Variants in KRTAP10-7 observed in about 807,000 individuals in gnomAD.
The protein encoded by KRTAP10-7 is keratin-associated protein 10-7.
For missense variants in KRTAP10-7, 394 were observed against 474.3 expected (o/e 0.83, Z 1.57); for synonymous variants, 162 against 199.6 (o/e 0.81, Z 1.59).
In KRTAP10-7 at chr21:44,602,082, C is replaced by A. The variant is rs916020917; in HGVS notation, c.*348C>A. On this transcript the variant is annotated 3_prime_UTR_variant, in exon 1 of 1. Transcript: ENST00000609664. ...TCCCAGCTCAGTGGCGAGCCCTGCT[C>A]CTCCCCTGCTGTGGGCCTGGGCCTC... 4.9e-6 allele frequency: 2 copies of A among 408,638 alleles called. No homozygotes were observed. The highest frequency in any genetic ancestry group is 4.0e-5 in the African/African-American group (2 of 49,748). The allele number at this position is 408,638 out of a possible 1,614,324, so 25.3% of individuals were successfully genotyped here.
In KRTAP10-7 at chr21:44,601,316, T is replaced by C. The variant is rs782575027; in HGVS notation, c.695T>C (p.Val232Ala). Residue 232 changes from valine to alanine, a missense_variant, in exon 1 of 1, where the codon GTC (valine) becomes GCC (alanine). Physicochemically the swap from Val to Ala is moderately conservative, Grantham distance 64. Transcript: ENST00000609664. Reference sequence around the variant, plus strand: ...TGCCAGCAGGCCTGCTGTGTGCCTGTCTGCTGCAAGCCCGTCTGCTGTGTG... The same window carrying C: ...TGCCAGCAGGCCTGCTGTGTGCCTGCCTGCTGCAAGCCCGTCTGCTGTGTG... ...SPCQQACCVP[V>A]CCKPVCCVPT... The C allele has an allele frequency of 1.2e-6, 2 of 1,611,482 alleles. No individual in the cohort carries two copies. Among genetic ancestry groups the C allele is most frequent in the Non-Finnish European group, 1.7e-6 (2 of 1,178,818 alleles).
chr21:44,601,438 C>T lies in KRTAP10-7; in HGVS notation c.817C>T (p.Pro273Ser). The T allele has an allele frequency of 6.2e-7, 1 of 1,611,526 alleles. No homozygotes were observed. The highest frequency in any genetic ancestry group is 8.5e-7 in the Non-Finnish European group (1 of 1,178,958). Residue 273 changes from proline (P) to serine (S), a missense_variant, in exon 1 of 1, where the codon CCT (proline) becomes TCT (serine). Physicochemically the swap from Pro to Ser is moderately conservative, Grantham distance 74 (BLOSUM62 -1). Coordinates refer to ENST00000609664, the MANE Select transcript of KRTAP10-7 (RefSeq NM_198689.3). Reference protein sequence around the residue: ...QGCCVPVCCKPVCCVPVCSGA... With the variant: ...QGCCVPVCCKSVCCVPVCSGA... The stretch of plus-strand genomic sequence containing the variant: ...CTGCTGCGTGCCCGTCTGCTGTAAG[C>T]CTGTGTGCTGTGTGCCCGTCTGCTC...
In KRTAP10-7 at chr21:44,601,268, C is replaced by T. The variant is rs587759229; in HGVS notation, c.647C>T (p.Pro216Leu). The T allele has an allele frequency of 9.4e-5, 151 of 1,604,390 alleles. No individual in the cohort carries two copies. Among genetic ancestry groups the T allele is most frequent in the South Asian group, 7.8e-4 (70 of 90,156 alleles). ...PSCCQQSSCK[P>L]ACCTSSPCQQ... The stretch of plus-strand genomic sequence containing the variant: ...TGCTGCCAGCAGTCTAGCTGCAAGC[C>T]GGCTTGCTGCACCTCCTCCCCTTGC... Residue 216 changes from proline to leucine, a missense_variant, in exon 1 of 1, where the codon CCG becomes CTG. Transcript: ENST00000609664.
chr21:44,601,834 T>C lies in KRTAP10-7; in HGVS notation c.*100T>C. On this transcript the variant is annotated 3_prime_UTR_variant, in exon 1 of 1. Coordinates refer to ENST00000609664, the MANE Select transcript of KRTAP10-7 (RefSeq NM_198689.3). ...CTCTCCACATCCCGCTCCTAAGCCCTGCAGTGGACGTCAGTGGTCAGCTGG... is the reference window on the plus strand; with the variant it reads ...CTCTCCACATCCCGCTCCTAAGCCCCGCAGTGGACGTCAGTGGTCAGCTGG... 1 of 1,475,772 alleles carries C rather than the reference T, an allele frequency of 6.8e-7. No individual in the cohort carries two copies. The highest frequency in any genetic ancestry group is 9.1e-7 in the Non-Finnish European group (1 of 1,100,258). 91.4% of individuals were successfully genotyped at this position (1,475,772 alleles called of 1,614,324 possible).
chr21:44,601,669 T>A lies in KRTAP10-7; in HGVS notation c.1048T>A (p.Cys350Ser). ...CRPASCVSLL[C>S]RPACSRPACC... ...CCCAGCCTCCTGTGTGTCTCTCCTT[T>A]GCCGCCCCGCATGCTCCCGCCCGGC... Residue 350 changes from cysteine (C) to serine (S), a missense_variant, in exon 1 of 1, where the codon TGC becomes AGC. Coordinates refer to ENST00000609664, the MANE Select transcript of KRTAP10-7 (RefSeq NM_198689.3). 7.4e-6 allele frequency: 12 copies of A among 1,613,030 alleles called. No individual in the cohort carries two copies. Among genetic ancestry groups the A allele is most frequent in the Non-Finnish European group, 1.0e-5 (12 of 1,179,346 alleles).
rs1354349678 is a variant in KRTAP10-7, at chr21:44,601,356, T to A, written c.735T>A (p.Asp245Glu). The change falls in exon 1 of 1, where the codon GAT (aspartate) becomes GAA (glutamate). Residue 245 changes from aspartate to glutamate, a missense_variant. Coordinates refer to ENST00000609664, the MANE Select transcript of KRTAP10-7 (RefSeq NM_198689.3). Reference sequence around the variant, plus strand: ...TCTGCTGTGTGCCCACCTGCTCTGATGATTCCGGTTCATGCTGCCAGCCAG... The same window carrying A: ...TCTGCTGTGTGCCCACCTGCTCTGAAGATTCCGGTTCATGCTGCCAGCCAG... ...KPVCCVPTCS[D>E]DSGSCCQPAC... is the part of the protein sequence containing the mutation. 5 of 1,610,216 alleles carry A rather than the reference T, an allele frequency of 3.1e-6. No individual in the cohort carries two copies. In the East Asian group the frequency reaches 1.1e-4, roughly 36 times the overall value.
Position 44,601,589 on chromosome 21 carries a change from T to C in KRTAP10-7, c.968T>C (p.Val323Ala), listed in dbSNP as rs1601472353. 1 of 1,612,756 alleles carries C rather than the reference T, an allele frequency of 6.2e-7. No homozygotes were observed. The highest frequency in any genetic ancestry group is 8.5e-7 in the Non-Finnish European group (1 of 1,179,034). The change falls in exon 1 of 1, where the codon GTG (valine) becomes GCG (alanine). Residue 323 changes from valine to alanine, a missense_variant. Val to Ala is a moderately conservative substitution (Grantham distance 64, BLOSUM62 0). Transcript: ENST00000609664. ...CCCGTGTGCAGGCCCGCCTGCTGCGTGCCCGTCCCCTCCTGCTGCGCCCCC... is the reference window on the plus strand; with the variant it reads ...CCCGTGTGCAGGCCCGCCTGCTGCGCGCCCGTCCCCTCCTGCTGCGCCCCC... ...CRPVCRPACC[V>A]PVPSCCAPTS...
rs659638 is a variant in KRTAP10-7, at chr21:44,601,844, G to A, written c.*110G>A. 122,121 of 1,420,738 alleles carry A rather than the reference G, an allele frequency of 0.086. 9,891 individuals carry two copies. Among genetic ancestry groups the A allele is most frequent in the African/African-American group, 0.4 (27,656 of 69,716 alleles). 88.0% of individuals were successfully genotyped at this position (1,420,738 alleles called of 1,614,324 possible). Reference sequence around the variant, plus strand: ...CCCGCTCCTAAGCCCTGCAGTGGACGTCAGTGGTCAGCTGGCCATCCAGTG... The same window carrying A: ...CCCGCTCCTAAGCCCTGCAGTGGACATCAGTGGTCAGCTGGCCATCCAGTG... On this transcript the variant is annotated 3_prime_UTR_variant, in exon 1 of 1. Coordinates refer to ENST00000609664, the MANE Select transcript of KRTAP10-7 (RefSeq NM_198689.3).
At position 44,601,545 on chromosome 21, in the gene KRTAP10-7, C is replaced by T. The variant is rs782705787; in HGVS notation, c.924C>T (p.Ser308=). The T allele has an allele frequency of 2.3e-5, 37 of 1,613,614 alleles. No homozygotes were observed. The highest frequency in any genetic ancestry group is 1.6e-4 in the Middle Eastern group (1 of 6,080). Residue 308 remains serine (S), a synonymous_variant, in exon 1 of 1, where the codon TCC becomes TCT. Coordinates refer to ENST00000609664, the MANE Select transcript of KRTAP10-7 (RefSeq NM_198689.3). ...CCTCCTGCTGCAGACCCTCCTCCTC[C>T]GTGTCCCTCCTCTGCCGCCCCGTGT... ...CTTSCCRPSS[S]VSLLCRPVCR...
At position 44,601,090 on chromosome 21, in the gene KRTAP10-7, G is replaced by A; in HGVS notation, c.469G>A (p.Val157Met). The change falls in exon 1 of 1, where the codon GTG becomes ATG. Residue 157 changes from valine (V) to methionine (M), a missense_variant. Physicochemically the swap from Val to Met is conservative, Grantham distance 21 (BLOSUM62 1). Coordinates refer to ENST00000609664, the MANE Select transcript of KRTAP10-7 (RefSeq NM_198689.3). ...CTCCCCCTGCCAGCAGGCCTGCTGT[G>A]TGCCCATCTGCTGCAAGCCTGTCTG... ...TSSPCQQACC[V>M]PICCKPVCSG... The A allele has an allele frequency of 6.2e-7, 1 of 1,609,622 alleles. No individual in the cohort carries two copies. Among genetic ancestry groups the A allele is most frequent in the East Asian group, 2.3e-5 (1 of 44,196 alleles).
rs782083629 is a variant in KRTAP10-7, at chr21:44,600,883, T to G, written c.262T>G (p.Ser88Ala). The G allele has an allele frequency of 1.2e-5, 20 of 1,611,360 alleles. No individual in the cohort carries two copies. The highest frequency in any genetic ancestry group is 6.7e-5 in the Admixed American group (4 of 59,918). The change falls in exon 1 of 1, where the codon TCG becomes GCG. Residue 88 changes from serine (S) to alanine (A), a missense_variant. Physicochemically the swap from Ser to Ala is moderately conservative, Grantham distance 99. Coordinates refer to ENST00000609664, the MANE Select transcript of KRTAP10-7 (RefSeq NM_198689.3). Reference sequence around the variant, plus strand: ...AGGCTGCACCAGCTCCTGCACGCCCTCGTGCTGCCAGCAGTCTAGCTGCCA... The same window carrying G: ...AGGCTGCACCAGCTCCTGCACGCCCGCGTGCTGCCAGCAGTCTAGCTGCCA... ...QSGCTSSCTP[S>A]CCQQSSCQLA... is the part of the protein sequence containing the mutation.
In KRTAP10-7 at chr21:44,600,871, T is replaced by C; in HGVS notation, c.250T>C (p.Ser84Pro). 6.2e-7 allele frequency: 1 copy of C among 1,610,738 alleles called. No individual in the cohort carries two copies. Among genetic ancestry groups the C allele is most frequent in the East Asian group, 2.2e-5 (1 of 44,776 alleles). ...PSPCQSGCTS[S>P]CTPSCCQQSS... is the part of the protein sequence containing the mutation. ...CCCCTGCCAATCAGGCTGCACCAGC[T>C]CCTGCACGCCCTCGTGCTGCCAGCA... The change falls in exon 1 of 1, where the codon TCC (serine) becomes CCC (proline). Residue 84 changes from serine to proline, a missense_variant. Transcript: ENST00000609664.
In KRTAP10-7 at chr21:44,600,997, G is replaced by A. The variant is rs369839278; in HGVS notation, c.376G>A (p.Val126Met). The A allele has an allele frequency of 1.6e-5, 25 of 1,611,848 alleles. 1 individual carries two copies. The African/African-American group carries it at 2.3e-4, about 15-fold the overall frequency. ...TGTCTGCTGCAAGCCTGTGTACTGT[G>A]TGCCTGTCTGCAGTGGGGATTCTTC... ...KTVCCKPVYC[V>M]PVCSGDSSCC... The change falls in exon 1 of 1, where the codon GTG becomes ATG. Residue 126 changes from valine (V) to methionine (M), a missense_variant. Val to Met is a conservative substitution (Grantham distance 21). Coordinates refer to ENST00000609664, the MANE Select transcript of KRTAP10-7 (RefSeq NM_198689.3).
chr21:44,601,390 AC>A, the KRTAP10-7 span: 1 of 1,605,674 alleles, frequency 6.2e-7, no homozygotes, highest in Non-Finnish European at 8.5e-7. Flanking sequence ...AGCTTGCTGC[AC>A]CTCCTCCCAA....
the KRTAP10-7 span, chr21:44,600,826 C>T: frequency 1.6e-5 from 25 of 1,605,364 alleles, 1 homozygote; most frequent in Middle Eastern, 1.9e-4. Flanking sequence ...CCCCTGCTGC[C>T]GAGTGACCTG....
chr21:44,602,156 A>T lies in KRTAP10-7; in HGVS notation c.*422A>T. On this transcript the variant is annotated 3_prime_UTR_variant, in exon 1 of 1. Coordinates refer to ENST00000609664, the MANE Select transcript of KRTAP10-7 (RefSeq NM_198689.3). The stretch of plus-strand genomic sequence containing the variant: ...GGAGCAGGTCAGACCCTTCTAATAA[A>T]CTCCTTTCCTAAAAAGTACAACTGG... 4.5e-6 allele frequency: 1 copy of T among 220,170 alleles called. No individual in the cohort carries two copies. Among genetic ancestry groups the T allele is most frequent in the Non-Finnish European group, 9.7e-6 (1 of 102,744 alleles). 13.6% of individuals were successfully genotyped at this position (220,170 alleles called of 1,614,324 possible). A position where few individuals can be genotyped will look rare whatever the true frequency, so the allele number is the denominator to read the frequency against.
In KRTAP10-7 at chr21:44,602,072, G is replaced by A. The variant is rs140294719; in HGVS notation, c.*338G>A. 2.3e-5 allele frequency: 10 copies of A among 426,778 alleles called. No homozygotes were observed. Among genetic ancestry groups the A allele is most frequent in the African/African-American group, 6.0e-5 (3 of 50,080 alleles). The allele number at this position is 426,778 out of a possible 1,614,324, so 26.4% of individuals were successfully genotyped here. ...CTCGTCACTGTCCCAGCTCAGTGGCGAGCCCTGCTCCTCCCCTGCTGTGGG... is the reference window on the plus strand; with the variant it reads ...CTCGTCACTGTCCCAGCTCAGTGGCAAGCCCTGCTCCTCCCCTGCTGTGGG... On this transcript the variant is annotated 3_prime_UTR_variant, in exon 1 of 1. Coordinates refer to ENST00000609664, the MANE Select transcript of KRTAP10-7 (RefSeq NM_198689.3).
chr21:44,601,197 G>A lies in KRTAP10-7; in HGVS notation c.576G>A (p.Glu192=), dbSNP rs1441311832. ...GTCCCTGCTGCCAGGCGGTCTGTGA[G>A]CCCAGCCCCTGCCAATCAGGCTGCA... ...VSSPCCQAVC[E]PSPCQSGCIS... Residue 192 remains glutamate, a synonymous_variant, in exon 1 of 1, where the codon GAG becomes GAA. Transcript: ENST00000609664. The A allele has an allele frequency of 4.4e-6, 7 of 1,599,640 alleles. No homozygotes were observed. The South Asian group carries it at 4.4e-5, about 10-fold the overall frequency.
At position 44,601,936 on chromosome 21, in the gene KRTAP10-7, C is replaced by A. The variant is rs1231279645; in HGVS notation, c.*202C>A. 7 of 768,278 alleles carry A rather than the reference C, an allele frequency of 9.1e-6. No individual in the cohort carries two copies. The African/African-American group carries it at 1.2e-4, about 14-fold the overall frequency. 47.6% of individuals were successfully genotyped at this position (768,278 alleles called of 1,614,324 possible). On this transcript the variant is annotated 3_prime_UTR_variant, in exon 1 of 1. Coordinates refer to ENST00000609664, the MANE Select transcript of KRTAP10-7 (RefSeq NM_198689.3). ...TCTTGACTTTCCCCCAATTACCCAG[C>A]CCTGCTTCCCCAGCAACAGGTGGGC... is the stretch of plus-strand genomic sequence containing the variant.
Sources: gnomAD v4.1 joint callset for allele counts on GRCh38, gnomAD v4.1.1 for gene constraint, MANE v1.5 for transcripts, NCBI Gene and HGNC (gene_info 2026-07-23, HGNC 2026-07-21) for gene names.